IMPA1: variants seen among roughly 807,000 people sequenced by gnomAD.
IMPA1 encodes inositol monophosphatase 1, also known as D-galactose 1-phosphate phosphatase.
In IMPA1, 21 loss-of-function variants were observed where a neutral mutation model predicts 34.9. The ratio of observed to expected loss-of-function variants is 0.60; its 90% CI spans 0.43 to 0.87. The LOEUF (loss-of-function observed/expected upper bound fraction) is 0.87, where lower values mean the gene tolerates loss of function less well. Among genes scored for constraint, IMPA1 ranks in the 40% least tolerant of loss-of-function variants. The probability of loss-of-function intolerance (pLI) is 0.00; values close to 1 mark genes in which losing one functional copy is unlikely to be tolerated. For missense variants in IMPA1, 299 were observed against 336.4 expected, an observed-to-expected ratio of 0.89 and a Z score of 0.87; for synonymous variants, 95 against 104.4, an observed-to-expected ratio of 0.91 and a Z score of 0.55.
At chr8:81,664,805 CATGTATACAT>C (rs1806773805) in intron 7 of IMPA1, among the ~76,000 whole-genome samples, 1 of 150,576 alleles carries the variant, frequency 6.6e-6, no homozygotes, top group Admixed American at 6.7e-5. Flanking sequence ...CAGCATGGCA[CATGTATACAT>C]ATGTAACTAA....
rs187188797 is a variant in IMPA1 at position 81,665,530 on chromosome 8, G to A, written c.567-4863C>T. Among the ~76,000 whole-genome samples the A allele has an allele frequency of 3.7e-3, 566 of 152,192 alleles. 3 individuals carry two copies. Among genetic ancestry groups the A allele is most frequent in the Non-Finnish European group, 5.4e-3 (369 of 68,006 alleles). On this transcript the variant is annotated intron_variant, in intron 7 of 8. Transcript: ENST00000256108. ...CAAAGGAGATGGAGCATTCCCACTG[G>A]TGTCTTTAAAGAAAAAAATAACAGA...
rs560778521 is a variant in IMPA1, at chr8:81,659,285, C to G, written c.*66G>C. 5.8e-6 allele frequency: 5 copies of G among 865,302 alleles called. No homozygotes were observed. In the African/African-American group the frequency reaches 8.3e-5, roughly 14 times the overall value. The allele number at this position is 865,302 out of a possible 1,614,324, so 53.6% of individuals were successfully genotyped here. ...CCAAGCATATCATACATCCAAAACA[C>G]ATATCCATTGATGAGTCACCAAATC... is the stretch of plus-strand genomic sequence containing the variant. On this transcript the variant is annotated 3_prime_UTR_variant, in exon 9 of 9. Coordinates refer to ENST00000256108, the MANE Select transcript of IMPA1 (RefSeq NM_005536.4).
intron 4 of IMPA1, among the ~76,000 whole-genome samples, chr8:81,676,570 G>T (rs1267888374): frequency 1.3e-5 from 2 of 152,212 alleles, no homozygotes; most frequent in Non-Finnish European, 2.9e-5. Context: ...CGAGAAACTT[G>T]TAACAGTGGT....
At chr8:81,685,759 TC>T in intron 1 of IMPA1, 2 of 1,525,606 alleles carry the variant, frequency 1.3e-6, no homozygotes, top group African/African-American at 2.8e-5. Context: ...CGTAGTTTAC[TC>T]ACTTTCATTT....
At chr8:81,668,292 G>A (rs1563583319) in intron 7 of IMPA1, among the ~76,000 whole-genome samples, 1 of 152,142 alleles carries the variant, frequency 6.6e-6, no homozygotes, top group South Asian at 2.1e-4. Context: ...TAATTAAAGG[G>A]GAAGCAGAGT....
intron 7 of IMPA1, among the ~76,000 whole-genome samples, chr8:81,665,764 C>T (rs921419393): frequency 2.6e-5 from 4 of 152,116 alleles, no homozygotes; most frequent in Non-Finnish European, 5.9e-5. Flanking sequence ...AGATTTGCAT[C>T]AGATTTCTCA....
At chr8:81,679,613 A>AG (rs977343117) in intron 3 of IMPA1, among the ~76,000 whole-genome samples, 1 of 113,942 alleles carries the variant, frequency 8.8e-6, no homozygotes, top group Non-Finnish European at 1.8e-5. Flanking sequence ...ACTCTGTCTC[A>AG]GGAAAAAAAA....
At chr8:81,667,313 A>C (rs1806857304) in intron 7 of IMPA1, among the ~76,000 whole-genome samples, 1 of 152,212 alleles carries the variant, frequency 6.6e-6, no homozygotes, top group Non-Finnish European at 1.5e-5. Flanking sequence ...TGGAGATTAA[A>C]GATGAAATTT....
Position 81,681,588 on chromosome 8 carries a change from T to C in IMPA1, c.-24-4A>G. The C allele has an allele frequency of 1.3e-6, 2 of 1,533,452 alleles. No homozygotes were observed. The highest frequency in any genetic ancestry group is 1.8e-6 in the Non-Finnish European group (2 of 1,107,112). 95.0% of individuals were successfully genotyped at this position (1,533,452 alleles called of 1,614,324 possible). ...TCTGAAAATATTTGACAAATATCTG[T>C]ACAAAGTAGTTATAACTGTCTTAGA... On this transcript the variant is annotated splice_region_variant and splice_polypyrimidine_tract_variant and intron_variant, in intron 1 of 8. Coordinates refer to ENST00000256108, the MANE Select transcript of IMPA1 (RefSeq NM_005536.4).
In IMPA1 at chr8:81,659,022, T is replaced by C; in HGVS notation, c.*329A>G. 1 of 314,502 alleles carries C rather than the reference T, an allele frequency of 3.2e-6. No individual in the cohort carries two copies. 19.5% of individuals were successfully genotyped at this position (314,502 alleles called of 1,614,324 possible). On this transcript the variant is annotated 3_prime_UTR_variant, in exon 9 of 9. Coordinates refer to ENST00000256108, the MANE Select transcript of IMPA1 (RefSeq NM_005536.4). The stretch of plus-strand genomic sequence containing the variant: ...CTAAGTGGGTGTCTCTGCACCTATA[T>C]ACTAAGTCAAAATTTCAGGGGACCA...
intron 7 of IMPA1, among the ~76,000 whole-genome samples, chr8:81,662,939 A>C (rs2130246529): frequency 6.6e-6 from 1 of 152,326 alleles, no homozygotes; most frequent in East Asian, 1.9e-4. Flanking sequence ...GGAACCTATT[A>C]GACTATTTCT....
chr8:81,679,701 TA>T (rs1458262776), intron 3 of IMPA1, among the ~76,000 whole-genome samples: 3 of 152,040 alleles, frequency 2.0e-5, no homozygotes, highest in Admixed American at 6.5e-5. Context: ...CTGATAAATG[TA>T]AGGAAGCTTT....
intron 6 of IMPA1, among the ~76,000 whole-genome samples, chr8:81,671,438 C>A (rs150946039): frequency 6.8e-4 from 103 of 152,210 alleles, no homozygotes; most frequent in African/African-American, 2.3e-3. Context: ...AAGTAAAATT[C>A]TCTGACATCC....
chr8:81,684,122 CACACACATACACACAT>C (rs953874949), intron 1 of IMPA1, among the ~76,000 whole-genome samples: 8 of 117,918 alleles, frequency 6.8e-5, no homozygotes, highest in Non-Finnish European at 1.6e-4. Flanking sequence ...TATACACACA[CACACACATACACACAT>C]ACACACACAC....
At chr8:81,659,493 A>C (rs1303153363) in intron 8 of IMPA1, 27 bp from the exon 9 acceptor site, 1 of 1,224,220 alleles carries the variant, frequency 8.2e-7, no homozygotes. Context: ...ATGAAAAATA[A>C]TTTTATCTGG....
Position 81,686,325 on chromosome 8 carries a change from T to A in IMPA1, c.-98A>T, listed in dbSNP as rs1218321415. On this transcript the variant is annotated 5_prime_UTR_variant, in exon 1 of 9. Coordinates refer to ENST00000256108, the MANE Select transcript of IMPA1 (RefSeq NM_005536.4). ...TCGTCTCTTCCGGAGGTAGAGGGGC[T>A]ACTCGCAACAGGAAGTTCCGCCCTT... 2.0e-6 allele frequency: 2 copies of A among 986,680 alleles called. No homozygotes were observed. Among genetic ancestry groups the A allele is most frequent in the African/African-American group, 1.7e-5 (1 of 57,296 alleles). The allele number at this position is 986,680 out of a possible 1,614,324, so 61.1% of individuals were successfully genotyped here. A position where few individuals can be genotyped will look rare whatever the true frequency, so the allele number is the denominator to read the frequency against.
intron 7 of IMPA1, among the ~76,000 whole-genome samples, chr8:81,666,248 C>G (rs1353834137): frequency 2.6e-5 from 4 of 151,786 alleles, no homozygotes; most frequent in African/African-American, 9.7e-5. Flanking sequence ...AGTTGTATTA[C>G]AAAAGAAACC....
At position 81,660,649 on chromosome 8, in the gene IMPA1, T is replaced by C. The variant is rs780834689; in HGVS notation, c.585A>G (p.Thr195=). 6.2e-7 allele frequency: 1 copy of C among 1,612,946 alleles called. No individual in the cohort carries two copies. The highest frequency in any genetic ancestry group is 8.5e-7 in the Non-Finnish European group (1 of 1,179,198). Residue 195 remains threonine, a synonymous_variant, in exon 8 of 9, where the codon ACA becomes ACG. Coordinates refer to ENST00000256108, the MANE Select transcript of IMPA1 (RefSeq NM_005536.4). ...IPVHGIRSVG[T]AAVNMCLVAT... is the part of the protein sequence containing the mutation. The stretch of plus-strand genomic sequence containing the variant: ...CCACAAGGCACATATTAACAGCTGC[T>C]GTTCCAACACTCCGGATCCTAACAA...
chr8:81,664,750 G>A (rs191070066), intron 7 of IMPA1, among the ~76,000 whole-genome samples: 101 of 152,092 alleles, frequency 6.6e-4, no homozygotes, highest in African/African-American at 2.3e-3. Context: ...ATAGCATTAG[G>A]AGATATACCT....
Sources: gnomAD v4.1 joint callset for allele counts (sites outside exome capture counted in the v4.1 genomes callset) on GRCh38, gnomAD v4.1.1 for gene constraint, MANE v1.5 for transcripts, NCBI Gene and HGNC (gene_info 2026-07-23, HGNC 2026-07-21) for gene names.